Variants in UCHL5 observed in about 807,000 individuals in gnomAD.
UCHL5 encodes ubiquitin carboxyl-terminal hydrolase isozyme L5.
A neutral mutation model predicts 53.8 loss-of-function variants in UCHL5; 34 were observed. The observed-to-expected ratio is 0.63, with a 90% confidence interval of 0.48 to 0.84. The LOEUF (loss-of-function observed/expected upper bound fraction) is 0.84, where lower values mean the gene tolerates loss of function less well. UCHL5 is among the 40% of genes least tolerant of loss of function. UCHL5 has a pLI of 0.00. For missense variants in UCHL5, 290 were observed against 385.6 expected (o/e 0.75, Z 2.08); for synonymous variants, 111 against 126.3 (o/e 0.88, Z 0.81).
At position 193,020,047 on chromosome 1, in the gene UCHL5, A is replaced by T. The variant is rs796346473; in HGVS notation, c.942+1050T>A. On this transcript the variant is annotated intron_variant, in intron 10 of 10. Coordinates refer to ENST00000367454, the MANE Select transcript of UCHL5 (RefSeq NM_001199261.3). ...TGTATTAATCTAAAACTTTAAAAAC[A>T]GTTTCCCATCTTAGAATACACCCTG... 4.0e-5 allele frequency: 39 copies of T among 984,994 alleles called. No individual in the cohort carries two copies. The African/African-American group carries it at 5.9e-4, about 15-fold the overall frequency. The allele number at this position is 984,994 out of a possible 1,614,324, so 61.0% of individuals were successfully genotyped here.
chr1:193,016,145 A>T lies in UCHL5; in HGVS notation c.*206T>A, dbSNP rs1468896836. ...AATGGAATTTGGGAAAGCATTCTTA[A>T]TATCACTTTCATTTAATATGCACTA... On this transcript the variant is annotated 3_prime_UTR_variant, in exon 11 of 11. Coordinates refer to ENST00000367454, the MANE Select transcript of UCHL5 (RefSeq NM_001199261.3). 1 of 495,418 alleles carries T rather than the reference A, an allele frequency of 2.0e-6. No homozygotes were observed. Among genetic ancestry groups the T allele is most frequent in the African/African-American group, 2.0e-5 (1 of 49,918 alleles). 30.7% of individuals were successfully genotyped at this position (495,418 alleles called of 1,614,324 possible).
Position 193,019,819 on chromosome 1 carries a change from T to G in UCHL5, c.942+1278A>C, listed in dbSNP as rs1202181259. 3.2e-6 allele frequency: 3 copies of G among 933,176 alleles called. No individual in the cohort carries two copies. The African/African-American group carries it at 5.3e-5, about 17-fold the overall frequency. 57.8% of individuals were successfully genotyped at this position (933,176 alleles called of 1,614,324 possible). A position where few individuals can be genotyped will look rare whatever the true frequency, so the allele number is the denominator to read the frequency against. Reference sequence around the variant, plus strand: ...AAAAAATTCTGTTCACAGATCAATTTTAATGCAAAATTTATACATTTAATA... The same window carrying G: ...AAAAAATTCTGTTCACAGATCAATTGTAATGCAAAATTTATACATTTAATA... On this transcript the variant is annotated intron_variant, in intron 10 of 10. Transcript: ENST00000367454.
chr1:193,018,872 T>A, intron 10 of UCHL5: 1 of 1,504,572 alleles, frequency 6.6e-7, no homozygotes, highest in Non-Finnish European at 9.0e-7. Context: ...TATTTCTGAA[T>A]TCTATAGGTA....
intron 1 of UCHL5, among the ~76,000 whole-genome samples, chr1:193,058,806 T>C (rs1640976380): frequency 6.6e-6 from 1 of 152,326 alleles, no homozygotes; most frequent in African/African-American, 2.4e-5. Flanking sequence ...GCCTGAGCAA[T>C]GCACTTGACC....
rs1454401260 is a variant in UCHL5, at chr1:193,016,108, T to C, written c.*243A>G. On this transcript the variant is annotated 3_prime_UTR_variant, in exon 11 of 11. Coordinates refer to ENST00000367454, the MANE Select transcript of UCHL5 (RefSeq NM_001199261.3). Reference sequence around the variant, plus strand: ...ACCAGAAAACTAACAGTTGTCAGACTCAATGTCAAATAATGGAATTTGGGA... The same window carrying C: ...ACCAGAAAACTAACAGTTGTCAGACCCAATGTCAAATAATGGAATTTGGGA... 6 of 433,448 alleles carry C rather than the reference T, an allele frequency of 1.4e-5. No homozygotes were observed. The highest frequency in any genetic ancestry group is 4.1e-6 in the Non-Finnish European group (1 of 244,666). 26.9% of individuals were successfully genotyped at this position (433,448 alleles called of 1,614,324 possible).
At chr1:193,018,577 G>A in intron 10 of UCHL5, 1 of 1,218,858 alleles carries the variant, frequency 8.2e-7, no homozygotes, top group African/African-American at 1.6e-5. Context: ...ACATTTATAG[G>A]TTCTAACCAA....
At chr1:193,053,134 T>A (rs1669591511) in intron 1 of UCHL5, among the ~76,000 whole-genome samples, 1 of 152,050 alleles carries the variant, frequency 6.6e-6, no homozygotes, top group Non-Finnish European at 1.5e-5. Context: ...CCAGAAAAAA[T>A]CTGAATATCT....
rs1657651408 is a variant in UCHL5, at chr1:193,022,872, G to A, written c.843+54C>T. On this transcript the variant is annotated intron_variant, in intron 9 of 10. Transcript: ENST00000367454. The stretch of plus-strand genomic sequence containing the variant: ...CAGATATTCAATGTACCTTCATCTT[G>A]AAATATACTGCTCTATATTAAAACA... The A allele has an allele frequency of 1.6e-5, 20 of 1,258,536 alleles. 1 individual carries two copies. In the South Asian group the frequency reaches 2.4e-4, roughly 15 times the overall value. 78.0% of individuals were successfully genotyped at this position (1,258,536 alleles called of 1,614,324 possible). A position where few individuals can be genotyped will look rare whatever the true frequency, so the allele number is the denominator to read the frequency against.
At chr1:193,057,890 A>G (rs1671168737) in intron 1 of UCHL5, among the ~76,000 whole-genome samples, 2 of 152,194 alleles carry the variant, frequency 1.3e-5, no homozygotes, top group Non-Finnish European at 2.9e-5. Context: ...TTATAGTTTG[A>G]CTGTCAATTA....
chr1:193,031,253 TAGG>T (rs1029859273), intron 3 of UCHL5, among the ~76,000 whole-genome samples: 12 of 152,150 alleles, frequency 7.9e-5, no homozygotes, highest in African/African-American at 2.9e-4. Context: ...GGAGTAAAGT[TAGG>T]AGAAGTTAAA....
Position 193,022,951 on chromosome 1 carries a change from T to C in UCHL5, c.818A>G (p.Glu273Gly). The change falls in exon 9 of 11, where the codon GAA (glutamate) becomes GGA (glycine). Residue 273 changes from glutamate (E) to glycine (G), a missense_variant. Glu to Gly is a moderately conservative substitution (Grantham distance 98, BLOSUM62 -2). Coordinates refer to ENST00000367454, the MANE Select transcript of UCHL5 (RefSeq NM_001199261.3). ...CTTGTATCTTTTTAATTTCTGTACT[T>C]CTTCTTCAATAAGCATCTGATTTTT... ...VAKNQMLIEE[E>G]VQKLKRYKIE... 6.2e-7 allele frequency: 1 copy of C among 1,612,088 alleles called. No homozygotes were observed. The highest frequency in any genetic ancestry group is 8.5e-7 in the Non-Finnish European group (1 of 1,178,628).
At chr1:193,024,721 T>TA (rs1384343094) in intron 7 of UCHL5, among the ~76,000 whole-genome samples, 2 of 151,710 alleles carry the variant, frequency 1.3e-5, no homozygotes, top group Non-Finnish European at 2.9e-5. Context: ...CAACTGACAT[T>TA]AAAAGCATTA....
At chr1:193,048,381 A>G (rs1170511321) in intron 3 of UCHL5, among the ~76,000 whole-genome samples, 1 of 152,222 alleles carries the variant, frequency 6.6e-6, no homozygotes, top group Non-Finnish European at 1.5e-5. Flanking sequence ...TAACTTCTCA[A>G]CAATATCATA....
At chr1:193,033,430 G>A (rs574579644) in intron 3 of UCHL5, among the ~76,000 whole-genome samples, 108 of 152,168 alleles carry the variant, frequency 7.1e-4, no homozygotes, top group Middle Eastern at 3.4e-3. Context: ...TAATGGAGAC[G>A]ATGGGTCGAT....
intron 9 of UCHL5, 151 bp from the exon 10 acceptor site, chr1:193,021,346 AATTAACACAATAAAAC>A: frequency 3.4e-6 from 2 of 581,952 alleles, no homozygotes; most frequent in Non-Finnish European, 5.9e-6. Context: ...TGAGAATAAA[AATTAACACAATAAAAC>A]ATGTGGAGGG....
intron 10 of UCHL5, chr1:193,019,854 G>A: frequency 1.0e-6 from 1 of 955,042 alleles, no homozygotes; most frequent in South Asian, 4.8e-5. Flanking sequence ...ATTTATCTAA[G>A]GGTCCTAGTC....
intron 10 of UCHL5, chr1:193,020,360 T>C: frequency 6.5e-7 from 1 of 1,548,410 alleles, no homozygotes; most frequent in Non-Finnish European, 8.7e-7. Context: ...CCTAGTAGTG[T>C]CTTCTCAAAG....
At chr1:193,023,386 G>A (rs998310356) in intron 8 of UCHL5, among the ~76,000 whole-genome samples, 6 of 152,060 alleles carry the variant, frequency 3.9e-5, no homozygotes, top group African/African-American at 1.2e-4. Flanking sequence ...CTTCTCCAAT[G>A]ACATTTACTA....
At chr1:193,055,072 A>T (rs1212546326) in intron 1 of UCHL5, among the ~76,000 whole-genome samples, 1 of 152,202 alleles carries the variant, frequency 6.6e-6, no homozygotes, top group African/African-American at 2.4e-5. Context: ...GGCTGAGGGA[A>T]TGGCTATTTA....
Sources: gnomAD v4.1 joint callset for allele counts (sites outside exome capture counted in the v4.1 genomes callset) on GRCh38, gnomAD v4.1.1 for gene constraint, MANE v1.5 for transcripts, NCBI Gene and HGNC (gene_info 2026-07-23, HGNC 2026-07-21) for gene names.